The following CNTN5 variants were observed in gnomAD, a reference collection of about 807,000 sequenced individuals.
CNTN5 encodes contactin 5.
In CNTN5, 77 loss-of-function variants were observed where a neutral mutation model predicts 129.1. The ratio of observed to expected loss-of-function variants is 0.60; its 90% confidence interval spans 0.50 to 0.72. CNTN5 has a LOEUF of 0.72. CNTN5 is among the 30% of genes least tolerant of loss of function. CNTN5 has a pLI of 0.00. For missense variants in CNTN5, 1,478 were observed against 1,328.8 expected (o/e 1.11, Z -1.75); for synonymous variants, 509 against 465.6 (o/e 1.09, Z -1.20).
chr11:99,819,806 GGCAAAGAAGACTTATTTAATACTGTT>G, intron 4 of CNTN5, 41 bp downstream of exon 4: 1 of 676,846 alleles, frequency 1.5e-6, no homozygotes, highest in African/African-American at 5.3e-5. Context: ...GAATAAAGGA[GGCAAAGAAGACTTATTTAATACTGTT>G]GCAACAGAGA....
chr11:99,981,077 G>GATATATATATATATATATATATATATAT (rs372749441), intron 8 of CNTN5, among the ~76,000 whole-genome samples: 14 of 57,560 alleles, frequency 2.4e-4, no homozygotes, highest in Admixed American at 3.9e-4. Context: ...GAGCCAATAG[G>GATATATATATATATATATATATATATAT]ATATATATAT....
chr11:99,531,103 A>C (rs1947687600), intron 2 of CNTN5, among the ~76,000 whole-genome samples: 2 of 152,170 alleles, frequency 1.3e-5, no homozygotes. Context: ...GACTTGTTGA[A>C]TGGCTTTTCC....
intron 1 of CNTN5, among the ~76,000 whole-genome samples, chr11:99,050,117 A>T (rs561123655): frequency 2.3e-4 from 35 of 152,252 alleles, no homozygotes; most frequent in African/African-American, 7.0e-4. Flanking sequence ...TACAGCTAGT[A>T]GAAACACATT....
chr11:100,100,458 C>G (rs1483004586), intron 13 of CNTN5, among the ~76,000 whole-genome samples: 1 of 152,096 alleles, frequency 6.6e-6, no homozygotes, highest in Non-Finnish European at 1.5e-5. Flanking sequence ...TGGAGTTCTA[C>G]AAACATTTAC....
In CNTN5 at chr11:99,250,678, G is replaced by A. The variant is rs144895883; in HGVS notation, c.-209-74668G>A. 1.5e-3 allele frequency among the ~76,000 whole-genome samples: 221 copies of A among 151,942 alleles called. 1 individual carries two copies. The highest frequency in any genetic ancestry group is 2.6e-3 in the Admixed American group (40 of 15,208). On this transcript the variant is annotated intron_variant, in intron 1 of 24. Transcript: ENST00000524871. Reference sequence around the variant, plus strand: ...TAGTTGAAACAGTCATCTATGGAAGGCGATGTTTCCATAGATGACTGATTA... The same window carrying A: ...TAGTTGAAACAGTCATCTATGGAAGACGATGTTTCCATAGATGACTGATTA...
chr11:100,283,908 T>A (rs1233090363), intron 18 of CNTN5, among the ~76,000 whole-genome samples: 1 of 152,082 alleles, frequency 6.6e-6, no homozygotes, highest in African/African-American at 2.4e-5. Flanking sequence ...ATCGGGCCAT[T>A]GCACTCCATC....
At chr11:100,255,070 C>A (rs536772132) in intron 16 of CNTN5, among the ~76,000 whole-genome samples, 1 of 152,222 alleles carries the variant, frequency 6.6e-6, no homozygotes, top group South Asian at 2.1e-4. Flanking sequence ...ACCATTCTTT[C>A]ATAATCAAAA....
At chr11:100,352,578 C>T (rs1430704297) in intron 24 of CNTN5, among the ~76,000 whole-genome samples, 1 of 151,590 alleles carries the variant, frequency 6.6e-6, no homozygotes, top group Admixed American at 6.6e-5. Context: ...CACAACTTTT[C>T]AGTACACCTA....
At chr11:100,075,569 A>T (rs1944094470) in intron 13 of CNTN5, among the ~76,000 whole-genome samples, 1 of 151,916 alleles carries the variant, frequency 6.6e-6, no homozygotes, top group Non-Finnish European at 1.5e-5. Context: ...ATATGATTGG[A>T]CAAAAAGTAT....
chr11:100,029,606 A>G (rs17094151), intron 9 of CNTN5, among the ~76,000 whole-genome samples: 15,693 of 152,140 alleles, frequency 0.1, 906 homozygotes, highest in Middle Eastern at 0.23. Flanking sequence ...ACATGCTAAT[A>G]GAATGCAGAT....
intron 1 of CNTN5, among the ~76,000 whole-genome samples, chr11:99,252,988 AG>A (rs1862190948): frequency 6.7e-6 from 1 of 149,926 alleles, no homozygotes; most frequent in African/African-American, 2.5e-5. Flanking sequence ...ATTTAAGTAG[AG>A]TTCTGTTTAT....
chr11:99,765,306 CAT>C (rs572148611), intron 3 of CNTN5, among the ~76,000 whole-genome samples: 2 of 150,390 alleles, frequency 1.3e-5, no homozygotes, highest in African/African-American at 2.4e-5. Context: ...CACCTGAAAC[CAT>C]ATATATATAT....
intron 9 of CNTN5, among the ~76,000 whole-genome samples, chr11:100,032,079 C>A (rs1322333762): frequency 1.3e-5 from 2 of 152,146 alleles, no homozygotes; most frequent in African/African-American, 2.4e-5. Flanking sequence ...TCTAATGCAC[C>A]TAACCATATA....
At chr11:99,587,154 A>G (rs1456677204) in intron 3 of CNTN5, among the ~76,000 whole-genome samples, 1 of 152,210 alleles carries the variant, frequency 6.6e-6, no homozygotes, top group East Asian at 1.9e-4. Context: ...TCAGAAATGA[A>G]GAGGTTTTGC....
chr11:99,802,710 G>A (rs1565549150), intron 3 of CNTN5, among the ~76,000 whole-genome samples: 1 of 152,146 alleles, frequency 6.6e-6, no homozygotes, highest in Non-Finnish European at 1.5e-5. Context: ...CAGGCAGATA[G>A]GTTCTGTGAA....
chr11:100,202,772 A>T (rs1056405457), intron 15 of CNTN5, among the ~76,000 whole-genome samples: 18 of 151,914 alleles, frequency 1.2e-4, no homozygotes, highest in Non-Finnish European at 1.3e-4. Flanking sequence ...GTTATATATA[A>T]ATGAGAACAC....
chr11:99,433,125 G>A (rs995313285), intron 2 of CNTN5, among the ~76,000 whole-genome samples: 2 of 151,884 alleles, frequency 1.3e-5, no homozygotes, highest in African/African-American at 2.4e-5. Flanking sequence ...GAGGAACAAA[G>A]AGGACATTTA....
chr11:99,996,609 T>C (rs1939460314), intron 8 of CNTN5, among the ~76,000 whole-genome samples: 1 of 152,164 alleles, frequency 6.6e-6, no homozygotes, highest in Non-Finnish European at 1.5e-5. Flanking sequence ...TCATTATTCT[T>C]ATGATCTCCT....
chr11:99,123,019 T>C (rs1203452671), intron 1 of CNTN5, among the ~76,000 whole-genome samples: 1 of 152,202 alleles, frequency 6.6e-6, no homozygotes, highest in Non-Finnish European at 1.5e-5. Flanking sequence ...TGTGCATGTG[T>C]CTTCATGACA....
Sources: gnomAD v4.1 joint callset for allele counts (sites outside exome capture counted in the v4.1 genomes callset) on GRCh38, gnomAD v4.1.1 for gene constraint, MANE v1.5 for transcripts, NCBI Gene and HGNC (gene_info 2026-07-23, HGNC 2026-07-21) for gene names.